LRRC28: variants seen among roughly 807,000 people sequenced by gnomAD.
LRRC28 encodes the protein leucine rich repeat containing 28.
A neutral mutation model predicts 45.7 loss-of-function variants in LRRC28; 39 were observed. The observed-to-expected ratio is 0.85, with a 90% CI of 0.66 to 1.12. The LOEUF is 1.12. LRRC28 is among the 50% of genes most tolerant of loss of function. The probability of loss-of-function intolerance (pLI) is 0.00; values close to 1 mark genes in which losing one functional copy is unlikely to be tolerated. For synonymous variants in LRRC28, 206 were observed against 178.8 expected (o/e 1.15, Z -1.22); for missense variants, 435 against 438.5 (o/e 0.99, Z 0.07).
chr15:99,300,104 T>C (rs560210442), intron 5 of LRRC28, among the ~76,000 whole-genome samples: 1 of 150,748 alleles, frequency 6.6e-6, no homozygotes, highest in Non-Finnish European at 1.5e-5. Context: ...AAGACTAATA[T>C]TAGTGACTTA....
intron 5 of LRRC28, among the ~76,000 whole-genome samples, chr15:99,300,277 A>C (rs2082362790): frequency 6.6e-6 from 1 of 152,124 alleles, no homozygotes; most frequent in Non-Finnish European, 1.5e-5. Flanking sequence ...TCTGAGAAAA[A>C]AATGCTGAAA....
At chr15:99,348,747 GT>G (rs34810764) in intron 6 of LRRC28, among the ~76,000 whole-genome samples, 3 of 115,940 alleles carry the variant, frequency 2.6e-5, no homozygotes, top group Admixed American at 9.3e-5. Context: ...TTTTTTTGTT[GT>G]TTTTTTTTTG....
chr15:99,308,226 T>C (rs755197998), intron 5 of LRRC28, among the ~76,000 whole-genome samples: 2 of 152,234 alleles, frequency 1.3e-5, no homozygotes, highest in Non-Finnish European at 2.9e-5. Flanking sequence ...TTATGAATCT[T>C]ACACAACGTG....
intron 9 of LRRC28, among the ~76,000 whole-genome samples, chr15:99,382,748 T>C (rs568169963): frequency 6.7e-6 from 1 of 148,452 alleles, no homozygotes; most frequent in Non-Finnish European, 1.5e-5. Context: ...ATATGGTCCA[T>C]GGGCATTTGA....
chr15:99,280,280 C>A (rs2081746313), intron 3 of LRRC28, among the ~76,000 whole-genome samples: 1 of 151,874 alleles, frequency 6.6e-6, no homozygotes, highest in Non-Finnish European at 1.5e-5. Context: ...TTTTGCAGAG[C>A]AAAAGTTTTA....
chr15:99,285,113 C>G, intron 3 of LRRC28: 1 of 710,402 alleles, frequency 1.4e-6, no homozygotes, highest in South Asian at 1.4e-5. Flanking sequence ...TCCACGAAGT[C>G]ATGGTCATCA....
chr15:99,355,918 T>C (rs1048959310), intron 7 of LRRC28, among the ~76,000 whole-genome samples: 10 of 152,156 alleles, frequency 6.6e-5, no homozygotes, highest in Non-Finnish European at 7.4e-5. Context: ...ATACTAAAAG[T>C]ATCCATTTTT....
chr15:99,342,852 A>G (rs548665806), intron 6 of LRRC28, among the ~76,000 whole-genome samples: 4 of 152,330 alleles, frequency 2.6e-5, no homozygotes, highest in Admixed American at 1.3e-4. Context: ...GTGAAGTCTT[A>G]TTTTGTAAAA....
intron 9 of LRRC28, among the ~76,000 whole-genome samples, chr15:99,364,722 T>G (rs889971399): frequency 2.6e-5 from 4 of 152,188 alleles, no homozygotes; most frequent in African/African-American, 7.2e-5. Flanking sequence ...AGAATGGGAA[T>G]AATAATAATA....
chr15:99,262,847 G>T (rs558806277), intron 2 of LRRC28, among the ~76,000 whole-genome samples: 3 of 151,322 alleles, frequency 2.0e-5, no homozygotes, highest in Non-Finnish European at 4.4e-5. Flanking sequence ...ATGGGGTCTT[G>T]CTGTGTTGCC....
chr15:99,293,539 G>T (rs566162700), intron 5 of LRRC28, among the ~76,000 whole-genome samples: 1 of 133,772 alleles, frequency 7.5e-6, no homozygotes, highest in African/African-American at 2.8e-5. Flanking sequence ...GTTGTGGTGA[G>T]CCGAGATCAT....
At chr15:99,330,758 T>A (rs543486891) in intron 5 of LRRC28, among the ~76,000 whole-genome samples, 1 of 152,178 alleles carries the variant, frequency 6.6e-6, no homozygotes, top group Non-Finnish European at 1.5e-5. Flanking sequence ...ACCATTTTGC[T>A]ATGTGTAGTC....
At chr15:99,354,240 A>G (rs1452667230) in intron 7 of LRRC28, among the ~76,000 whole-genome samples, 1 of 152,210 alleles carries the variant, frequency 6.6e-6, no homozygotes, top group East Asian at 1.9e-4. Context: ...CTCATTAAAG[A>G]GTCATTTGAC....
intron 2 of LRRC28, among the ~76,000 whole-genome samples, chr15:99,273,818 G>A (rs923361672): frequency 6.6e-6 from 1 of 152,158 alleles, no homozygotes; most frequent in South Asian, 2.1e-4. Context: ...ATATAGTATT[G>A]GTATTAGCAG....
chr15:99,300,633 C>T (rs1555561370), intron 5 of LRRC28, among the ~76,000 whole-genome samples: 1 of 152,112 alleles, frequency 6.6e-6, no homozygotes, highest in Non-Finnish European at 1.5e-5. Flanking sequence ...TTGAGACCAG[C>T]CTGGCCAACA....
At chr15:99,342,829 A>T (rs1672139076) in intron 6 of LRRC28, among the ~76,000 whole-genome samples, 1 of 152,242 alleles carries the variant, frequency 6.6e-6, no homozygotes. Context: ...ATCTTATTAA[A>T]TTATAATTCA....
In LRRC28 at chr15:99,388,781, A is replaced by G. The variant is rs1958103043; in HGVS notation, c.*2679A>G. 1 of 152,242 alleles carries G rather than the reference A, an allele frequency of 6.6e-6. No homozygotes were observed. Among genetic ancestry groups the G allele is most frequent in the Non-Finnish European group, 1.5e-5 (1 of 68,042 alleles). 9.4% of individuals were successfully genotyped at this position (152,242 alleles called of 1,614,324 possible). On this transcript the variant is annotated 3_prime_UTR_variant, in exon 10 of 10. Transcript: ENST00000301981. ...AATGCAAAAAAAGTGAGCTACTTGG[A>G]AAGTATCATCTCTGTTCAGGTAAGT...
intron 5 of LRRC28, among the ~76,000 whole-genome samples, chr15:99,323,297 G>A (rs554563605): frequency 1.3e-4 from 20 of 152,214 alleles, no homozygotes; most frequent in African/African-American, 4.3e-4. Flanking sequence ...ACAATAATTT[G>A]GTGTTAAAGG....
At chr15:99,375,113 T>G (rs1222210244) in intron 9 of LRRC28, among the ~76,000 whole-genome samples, 1 of 152,066 alleles carries the variant, frequency 6.6e-6, no homozygotes, top group Non-Finnish European at 1.5e-5. Flanking sequence ...TAAGCAGGGG[T>G]TTTTGGTATG....
Sources: gnomAD v4.1 joint callset for allele counts (sites outside exome capture counted in the v4.1 genomes callset) on GRCh38, gnomAD v4.1.1 for gene constraint, MANE v1.5 for transcripts, NCBI Gene and HGNC (gene_info 2026-07-23, HGNC 2026-07-21) for gene names.